TCERG1L: variants seen among roughly 807,000 people sequenced by gnomAD.
TCERG1L encodes the protein transcription elongation regulator 1 like.
In TCERG1L, 37 loss-of-function variants were observed where a neutral mutation model predicts 56.3. That is an observed-to-expected ratio of 0.66 (90% CI 0.51 to 0.87). The LOEUF (loss-of-function observed/expected upper bound fraction) is 0.87, where lower values mean the gene tolerates loss of function less well. TCERG1L is among the 40% of genes least tolerant of loss of function. The pLI is 0.00. For synonymous variants in TCERG1L, 324 were observed against 326.3 expected (o/e 0.99, Z 0.08); for missense variants, 799 against 774.2 (o/e 1.03, Z -0.38).
chr10:131,128,569 G>T (rs187865294), intron 8 of TCERG1L, among the ~76,000 whole-genome samples: 1 of 152,160 alleles, frequency 6.6e-6, no homozygotes, highest in Non-Finnish European at 1.5e-5. Flanking sequence ...GTCACCTTTC[G>T]AGGATACTGG....
chr10:131,186,343 T>C (rs2944459), intron 4 of TCERG1L, among the ~76,000 whole-genome samples: 123,270 of 152,112 alleles, frequency 0.81, 50,791 homozygotes, highest in South Asian at 0.94. Context: ...CACTTGAATA[T>C]AGTTAACCTA....
intron 4 of TCERG1L, among the ~76,000 whole-genome samples, chr10:131,171,991 C>A (rs1347588751): frequency 6.6e-6 from 1 of 152,230 alleles, no homozygotes; most frequent in Non-Finnish European, 1.5e-5. Context: ...ATATCAGTAT[C>A]TCCCAATGCA....
intron 4 of TCERG1L, among the ~76,000 whole-genome samples, chr10:131,204,420 C>G (rs1845493078): frequency 6.7e-6 from 1 of 148,346 alleles, no homozygotes; most frequent in African/African-American, 2.5e-5. Flanking sequence ...GCCCCCGCAT[C>G]TACATGGCCT....
intron 1 of TCERG1L, among the ~76,000 whole-genome samples, chr10:131,309,834 CAAA>C (rs58892586): frequency 2.4e-4 from 12 of 49,850 alleles, no homozygotes; most frequent in African/African-American, 5.1e-4. Flanking sequence ...GATTCTATGG[CAAA>C]AAAAAAAAAA....
chr10:131,140,368 G>T (rs1845721740), intron 7 of TCERG1L, among the ~76,000 whole-genome samples: 1 of 152,128 alleles, frequency 6.6e-6, no homozygotes, highest in Non-Finnish European at 1.5e-5. Flanking sequence ...CTCTGATGGG[G>T]CCTCCTGCTC....
chr10:131,181,115 G>A (rs1837220), intron 4 of TCERG1L, among the ~76,000 whole-genome samples: 7,840 of 152,304 alleles, frequency 0.051, 202 homozygotes, highest in African/African-American at 0.069. Flanking sequence ...CCTCCGCGCT[G>A]CTCCCTGATC....
At chr10:131,128,590 C>T (rs374493804) in intron 8 of TCERG1L, among the ~76,000 whole-genome samples, 1 of 152,124 alleles carries the variant, frequency 6.6e-6, no homozygotes, top group East Asian at 1.9e-4. Context: ...GGAACCGATG[C>T]AGTATTTTGG....
chr10:131,173,376 G>A (rs770303965), intron 4 of TCERG1L, among the ~76,000 whole-genome samples: 20 of 152,120 alleles, frequency 1.3e-4, no homozygotes, highest in Non-Finnish European at 2.2e-4. Flanking sequence ...CAATTTAACC[G>A]GTACTGAGCT....
At chr10:131,164,598 C>T (rs1429912542) in intron 5 of TCERG1L, among the ~76,000 whole-genome samples, 3 of 152,126 alleles carry the variant, frequency 2.0e-5, no homozygotes, top group Non-Finnish European at 4.4e-5. Context: ...ACTTAGAATG[C>T]TCTGAGAGAT....
chr10:131,151,795 G>T (rs1339575853), intron 6 of TCERG1L, among the ~76,000 whole-genome samples: 1 of 152,202 alleles, frequency 6.6e-6, no homozygotes, highest in Non-Finnish European at 1.5e-5. Flanking sequence ...GCAAATTTCT[G>T]CCTGGACATC....
At chr10:131,116,711 G>A (rs1342353732) in intron 9 of TCERG1L, 88 bp downstream of exon 9, 3 of 1,507,118 alleles carry the variant, frequency 2.0e-6, no homozygotes, top group East Asian at 2.5e-5. Context: ...ACTCAGTGAG[G>A]AGGCGACCCT....
rs542508496 is a variant in TCERG1L, at chr10:131,155,048, C to T, written c.1034+8074G>A. On this transcript the variant is annotated intron_variant, in intron 6 of 11. Transcript: ENST00000368642. Reference sequence around the variant, plus strand: ...ACACAACCTTGGCCTCCCAAGAGCACGGGCTCCCCTACTTCCTCCTTTGAG... The same window carrying T: ...ACACAACCTTGGCCTCCCAAGAGCATGGGCTCCCCTACTTCCTCCTTTGAG... 8.3e-4 allele frequency among the ~76,000 whole-genome samples: 127 copies of T among 152,300 alleles called. 1 individual carries two copies. The highest frequency in any genetic ancestry group is 2.9e-3 in the African/African-American group (119 of 41,572).
At chr10:131,188,961 AG>A (rs1202706674) in intron 4 of TCERG1L, among the ~76,000 whole-genome samples, 1 of 152,216 alleles carries the variant, frequency 6.6e-6, no homozygotes, top group Non-Finnish European at 1.5e-5. Flanking sequence ...AATGAACCAT[AG>A]TATATACTTT....
rs573996013 is a variant in TCERG1L, at chr10:131,126,502, G to A, written c.1259+7877C>T. Reference sequence around the variant, plus strand: ...AGAATCCCAGTGAGCAGCAAGCTCCGGCTCTGAGCCAGCTCTCAGCTGCGG... The same window carrying A: ...AGAATCCCAGTGAGCAGCAAGCTCCAGCTCTGAGCCAGCTCTCAGCTGCGG... On this transcript the variant is annotated intron_variant, in intron 8 of 11. Transcript: ENST00000368642. Among the ~76,000 whole-genome samples the A allele has an allele frequency of 3.4e-4, 52 of 151,944 alleles. 3 individuals are homozygous for A. The South Asian group carries it at 5.0e-3, about 15-fold the overall frequency.
At position 131,166,735 on chromosome 10, in the gene TCERG1L, G is replaced by A. The variant is rs1589734183; in HGVS notation, c.945+62C>T. The A allele has an allele frequency of 1.9e-5, 28 of 1,511,198 alleles. No individual in the cohort carries two copies. The East Asian group carries it at 6.3e-4, about 34-fold the overall frequency. The allele number at this position is 1,511,198 out of a possible 1,614,324, so 93.6% of individuals were successfully genotyped here. On this transcript the variant is annotated intron_variant, in intron 5 of 11. Coordinates refer to ENST00000368642, the MANE Select transcript of TCERG1L (RefSeq NM_174937.4). ...AGCAAACAAGCGTGAGGGTGTCCTG[G>A]CCCTGGTCCTCCACACCCAGGGTTT...
intron 3 of TCERG1L, among the ~76,000 whole-genome samples, chr10:131,298,603 A>G (rs1448080870): frequency 1.3e-5 from 2 of 152,146 alleles, no homozygotes; most frequent in Non-Finnish European, 2.9e-5. Flanking sequence ...TAGTAGAGAC[A>G]GGGTTTTGCC....
At chr10:131,176,040 G>T (rs552311406) in intron 4 of TCERG1L, among the ~76,000 whole-genome samples, 1 of 152,152 alleles carries the variant, frequency 6.6e-6, no homozygotes, top group African/African-American at 2.4e-5. Context: ...TACAGCTGCC[G>T]ACAGACGGAG....
chr10:131,164,170 T>A (rs1184373623), intron 5 of TCERG1L: 1 of 151,088 alleles, frequency 6.6e-6, no homozygotes, highest in Non-Finnish European at 1.5e-5. Context: ...AAAGAAAATT[T>A]ATCACCTAGA....
chr10:131,168,796 T>C lies in TCERG1L; in HGVS notation c.857-1911A>G, dbSNP rs139572702. On this transcript the variant is annotated intron_variant, in intron 4 of 11. Transcript: ENST00000368642. ...CCGGCCTCCTCCGTCATTGCCACTT[T>C]ACGAGGGTGTCCACACAGAGTCTAC... Among the ~76,000 whole-genome samples the C allele has an allele frequency of 2.2e-3, 328 of 151,072 alleles. 1 individual carries two copies. Among genetic ancestry groups the C allele is most frequent in the South Asian group, 5.1e-3 (24 of 4,744 alleles).
Sources: allele counts gnomAD v4.1 joint callset (sites outside exome capture counted in the v4.1 genomes callset), GRCh38; gene constraint gnomAD v4.1.1; transcripts MANE v1.5; gene names NCBI Gene and HGNC (gene_info 2026-07-23, HGNC 2026-07-21).